The following CPLANE1 variants were observed in gnomAD, a reference collection of about 807,000 sequenced individuals.
CPLANE1 encodes the protein ciliogenesis and planar polarity effector complex subunit 1.
Under a neutral mutation model 362.5 loss-of-function variants are expected in CPLANE1, and 263 were observed. The observed-to-expected ratio is 0.73, with a 90% CI of 0.66 to 0.80. The LOEUF is 0.80. CPLANE1 is among the 30% of genes least tolerant of loss of function. The pLI, the probability that CPLANE1 is intolerant of heterozygous loss-of-function variation, is 0.00. For synonymous variants in CPLANE1, 1,212 were observed against 1,302.6 expected, an observed-to-expected ratio of 0.93 and a Z score of 1.50; for missense variants, 3,461 against 3,793.4, an observed-to-expected ratio of 0.91 and a Z score of 2.30.
Position 37,167,201 on chromosome 5 carries a change from G to C in CPLANE1, c.7246C>G (p.Gln2416Glu), listed in dbSNP as rs763880761. ...ATGAGGTTTTCAAGTGGGATAAGTT[G>C]TGTTTTTTTGCACTACAAGAAAGAA... ...LSPENRCKKT[Q>E]LIPLENLIAF... The change falls in exon 35 of 53, where the codon CAA (glutamine) becomes GAA (glutamate). Residue 2416 changes from glutamine (Q) to glutamate (E), a missense_variant. Around this residue, in one of 2 missense-constraint regions of CPLANE1, gnomAD observed 3,380 missense variants for 3,666.1 expected, o/e 0.92. Transcript: ENST00000651892. The C allele has an allele frequency of 1.2e-6, 2 of 1,608,570 alleles. No individual in the cohort carries two copies. The highest frequency in any genetic ancestry group is 1.7e-6 in the Non-Finnish European group (2 of 1,178,824).
At chr5:37,087,590 G>T in the CPLANE1 span, among the ~76,000 whole-genome samples, 6 of 152,134 alleles carry the variant, frequency 3.9e-5, no homozygotes, top group African/African-American at 1.2e-4. Context: ...CCGCGTAGCT[G>T]GGACTACAGG....
chr5:37,194,764 G>A (rs1032309066), intron 21 of CPLANE1, among the ~76,000 whole-genome samples: 1 of 151,402 alleles, frequency 6.6e-6, no homozygotes, highest in Non-Finnish European at 1.5e-5. Flanking sequence ...CAAACTCCTA[G>A]GCTCAAGCAA....
chr5:37,139,892 A>C, intron 44 of CPLANE1: 3 of 985,488 alleles, frequency 3.0e-6, no homozygotes, highest in South Asian at 4.7e-5. Context: ...ACTCAGTGTA[A>C]TATGTCAGAA....
chr5:37,170,222 T>TC lies in CPLANE1; in HGVS notation c.6280dup (p.Glu2094GlyfsTer12). ...TCCTCTTAGGTTTGATTCTTGGCTT[T>TC]CCCCTAAATGCACAGACTGAGACTG... On this transcript the variant is annotated frameshift_variant, in exon 33 of 53. Coordinates refer to ENST00000651892, the MANE Select transcript of CPLANE1 (RefSeq NM_001384732.1). LOFTEE classifies it high-confidence loss of function. 6.2e-7 allele frequency: 1 copy of TC among 1,614,152 alleles called. No homozygotes were observed. Among genetic ancestry groups the TC allele is most frequent in the South Asian group, 1.1e-5 (1 of 91,078 alleles).
At chr5:37,152,853 C>T (rs140185344) in intron 42 of CPLANE1, among the ~76,000 whole-genome samples, 111 of 152,166 alleles carry the variant, frequency 7.3e-4, no homozygotes, top group African/African-American at 2.5e-3. Flanking sequence ...CACATCACTG[C>T]ACTCCAGCCT....
At position 37,158,152 on chromosome 5, in the gene CPLANE1, G is replaced by A. The variant is rs949148185; in HGVS notation, c.7812+72C>T. 1.5e-5 allele frequency: 22 copies of A among 1,492,336 alleles called. No individual in the cohort carries two copies. In the African/African-American group the frequency reaches 2.8e-4, roughly 19 times the overall value. The allele number at this position is 1,492,336 out of a possible 1,614,324, so 92.4% of individuals were successfully genotyped here. ...TTAACCTCATTTCATCTACCCAATT[G>A]AATAATGTCTACATGACCATAATAC... On this transcript the variant is annotated intron_variant, in intron 39 of 52. Transcript: ENST00000651892.
the CPLANE1 span, among the ~76,000 whole-genome samples, chr5:37,092,439 C>CAAA: frequency 6.6e-6 from 1 of 152,250 alleles, no homozygotes; most frequent in African/African-American, 2.4e-5. Context: ...ACATTCCTTC[C>CAAA]TGTGCTAAAG....
intron 31 of CPLANE1, among the ~76,000 whole-genome samples, 174 bp from the exon 32 acceptor site, chr5:37,174,121 C>T (rs966936599): frequency 5.9e-5 from 9 of 152,142 alleles, no homozygotes; most frequent in African/African-American, 1.7e-4. Flanking sequence ...CGTCAGCCCC[C>T]CAGACACATT....
At chr5:37,159,684 C>G (rs983888907) in intron 38 of CPLANE1, among the ~76,000 whole-genome samples, 4 of 151,782 alleles carry the variant, frequency 2.6e-5, no homozygotes, top group Admixed American at 2.6e-4. Context: ...TACTTGTTAC[C>G]AAAGCTTAAA....
intron 50 of CPLANE1, among the ~76,000 whole-genome samples, chr5:37,115,796 C>T (rs1394091185): frequency 2.6e-5 from 4 of 151,344 alleles, no homozygotes; most frequent in Non-Finnish European, 4.4e-5. Flanking sequence ...CGGGGTTTCA[C>T]CATGTTGGCC....
At chr5:37,198,575 TA>T in intron 20 of CPLANE1, 126 bp downstream of exon 20, 1 of 908,534 alleles carries the variant, frequency 1.1e-6, no homozygotes, top group Non-Finnish European at 1.6e-6. Context: ...TGTTTATGAA[TA>T]AATCTGAAAT....
intron 21 of CPLANE1, among the ~76,000 whole-genome samples, chr5:37,188,052 A>G (rs1784521103): frequency 6.6e-6 from 1 of 152,250 alleles, no homozygotes; most frequent in Non-Finnish European, 1.5e-5. Context: ...ATATTCATTT[A>G]TGTTTAAACA....
rs759257853 is a variant in CPLANE1 at position 37,170,231 on chromosome 5, T to C, written c.6272A>G (p.His2091Arg). Residue 2091 changes from histidine (H) to arginine (R), a missense_variant, in exon 33 of 53, where the codon CAT becomes CGT. His to Arg is a conservative substitution (Grantham distance 29). This residue lies in a region of CPLANE1 where 3,380 missense variants were observed against 3,666.1 expected (regional missense o/e 0.92). Transcript: ENST00000651892. The stretch of plus-strand genomic sequence containing the variant: ...GTTTGATTCTTGGCTTTCCCCTAAA[T>C]GCACAGACTGAGACTGCTGTACAAG... ...QQLVQQSQSV[H>R]LGESQESNLR... 8.1e-6 allele frequency: 13 copies of C among 1,614,072 alleles called. No individual in the cohort carries two copies. The South Asian group carries it at 8.8e-5, about 11-fold the overall frequency.
rs1057210266 is a variant in CPLANE1 at position 37,209,205 on chromosome 5, G to C, written c.2921-2780C>G. Among the ~76,000 whole-genome samples, 1 of 152,256 alleles carries C rather than the reference G, an allele frequency of 6.6e-6. No homozygotes were observed. Among genetic ancestry groups the C allele is most frequent in the African/African-American group, 2.4e-5 (1 of 41,474 alleles). On this transcript the variant is annotated intron_variant, in intron 16 of 52. Coordinates refer to ENST00000651892, the MANE Select transcript of CPLANE1 (RefSeq NM_001384732.1). This position sits in a 1 kb window ranked among gnomAD's most constrained non-coding sequence, Gnocchi z 4.6. The stretch of plus-strand genomic sequence containing the variant: ...AACCTAGTTGGGAGTGCAAGGCAGA[G>C]AGCGTTCAGCACCCTTGTTCCTCCC...
Position 37,210,803 on chromosome 5 carries a change from G to T in CPLANE1, c.2920+2756C>A, listed in dbSNP as rs61735522. On this transcript the variant is annotated intron_variant, in intron 16 of 52. Coordinates refer to ENST00000651892, the MANE Select transcript of CPLANE1 (RefSeq NM_001384732.1). ...TAGCTCAGCTGGCTCCTGAACTTGCGGTCTTTCAGAAAGAACTAAGGAGAG... is the reference window on the plus strand; with the variant it reads ...TAGCTCAGCTGGCTCCTGAACTTGCTGTCTTTCAGAAAGAACTAAGGAGAG... 3 of 1,121,430 alleles carry T rather than the reference G, an allele frequency of 2.7e-6. No individual in the cohort carries two copies. The South Asian group carries it at 3.7e-5, about 14-fold the overall frequency. The allele number at this position is 1,121,430 out of a possible 1,614,324, so 69.5% of individuals were successfully genotyped here.
intron 15 of CPLANE1, among the ~76,000 whole-genome samples, chr5:37,218,675 C>T (rs754678187): frequency 2.0e-5 from 3 of 152,098 alleles, no homozygotes; most frequent in Non-Finnish European, 2.9e-5. Flanking sequence ...GAGCTGGGCG[C>T]GGTGGCTCAC....
chr5:37,100,012 C>A, the CPLANE1 span, among the ~76,000 whole-genome samples: 1 of 151,494 alleles, frequency 6.6e-6, no homozygotes, highest in Admixed American at 6.6e-5. Flanking sequence ...GGATATTAGA[C>A]CTTTGTCAGA....
rs576883816 is a variant in CPLANE1 at position 37,170,331 on chromosome 5, G to C, written c.6172C>G (p.Leu2058Val). 9 of 1,600,398 alleles carry C rather than the reference G, an allele frequency of 5.6e-6. No homozygotes were observed. The South Asian group carries it at 7.9e-5, about 14-fold the overall frequency. Residue 2058 changes from leucine (L) to valine (V), a missense_variant and splice_region_variant, in exon 33 of 53, where the codon CTG becomes GTG. Leu to Val is a conservative substitution (Grantham distance 32). Around this residue, in one of 2 missense-constraint regions of CPLANE1, gnomAD observed 3,380 missense variants for 3,666.1 expected, o/e 0.92. Transcript: ENST00000651892. ...AGGCTCATGAAGTTGATCTGTTGCA[G>C]CTTGAATAAAACAAAAATTGAAGCG... ...LQDEMFKLVQLQQINFMSLMQ... is the reference protein window; with the variant it reads ...LQDEMFKLVQVQQINFMSLMQ...
chr5:37,195,656 C>T (rs1175544659), intron 21 of CPLANE1, among the ~76,000 whole-genome samples: 1 of 150,274 alleles, frequency 6.7e-6, no homozygotes, highest in East Asian at 2.0e-4. Flanking sequence ...ATAGGTATCA[C>T]AATTTGTTTA....
Sources: gnomAD v4.1 joint callset for allele counts (sites outside exome capture counted in the v4.1 genomes callset) on GRCh38, gnomAD v4.1.1 for gene constraint, gnomAD v4.1.1 regional missense constraint, Gnocchi (gnomAD v3.1) non-coding constraint, MANE v1.5 for transcripts, NCBI Gene and HGNC (gene_info 2026-07-23, HGNC 2026-07-21) for gene names.